The following CEP63 variants were observed in gnomAD, a reference collection of about 807,000 sequenced individuals.
The protein encoded by CEP63 is centrosomal protein 63, also known as centrosomal protein of 63 kDa.
Under a neutral mutation model 89.1 loss-of-function variants are expected in CEP63, and 84 were observed. That is an observed-to-expected ratio of 0.94 (90% CI 0.79 to 1.13). The LOEUF (loss-of-function observed/expected upper bound fraction) is 1.13, where lower values mean the gene tolerates loss of function less well. CEP63 is among the 50% of genes most tolerant of loss of function. CEP63 has a pLI of 0.00. For missense variants in CEP63, 838 were observed against 813.3 expected, an observed-to-expected ratio of 1.03 and a Z score of -0.37; for synonymous variants, 267 against 272.5, an observed-to-expected ratio of 0.98 and a Z score of 0.20.
At chr3:134,765,262 G>C in the CEP63 span, among the ~76,000 whole-genome samples, 2 of 152,226 alleles carry the variant, frequency 1.3e-5, no homozygotes, top group African/African-American at 2.4e-5. Context: ...AATTCATGTT[G>C]TTCATTCATT....
intron 10 of CEP63, among the ~76,000 whole-genome samples, chr3:134,587,192 T>G (rs1357147743): frequency 2.0e-5 from 3 of 151,566 alleles, no homozygotes; most frequent in Admixed American, 6.6e-5. Flanking sequence ...AGCCTACTTC[T>G]GTCAACTCGT....
the CEP63 span, chr3:134,607,965 G>T: frequency 9.9e-7 from 1 of 1,009,076 alleles, no homozygotes; most frequent in Non-Finnish European, 1.2e-6. Flanking sequence ...CTGCTGCCTA[G>T]AACATGTCCA....
the CEP63 span, chr3:134,620,709 C>T: frequency 6.9e-7 from 1 of 1,440,212 alleles, no homozygotes; most frequent in African/African-American, 1.4e-5. Flanking sequence ...GGAATGGAAG[C>T]AAGGGATTCT....
At chr3:134,607,701 G>A in the CEP63 span, 1 of 985,684 alleles carries the variant, frequency 1.0e-6, no homozygotes, top group Admixed American at 6.1e-5. Context: ...GTATGCCTCA[G>A]AGTGTGCAAA....
downstream of CEP63, chr3:134,575,107 A>T: frequency 2.8e-6 from 1 of 362,364 alleles, no homozygotes; most frequent in Non-Finnish European, 4.9e-6. Flanking sequence ...AGAAAGCTTA[A>T]GATAACTCCT....
the CEP63 span, among the ~76,000 whole-genome samples, chr3:134,701,841 C>T: frequency 2.0e-5 from 3 of 152,064 alleles, no homozygotes; most frequent in Admixed American, 1.3e-4. Flanking sequence ...TCATCTCAGC[C>T]CAAAAGCTTC....
At chr3:134,705,314 A>G in the CEP63 span, among the ~76,000 whole-genome samples, 1 of 152,102 alleles carries the variant, frequency 6.6e-6, no homozygotes, top group Non-Finnish European at 1.5e-5. Context: ...CAGACACATG[A>G]GAAGGAGCAA....
the CEP63 span, among the ~76,000 whole-genome samples, chr3:134,771,821 A>G: frequency 6.6e-6 from 1 of 152,224 alleles, no homozygotes; most frequent in Non-Finnish European, 1.5e-5. Flanking sequence ...GCACCCACAC[A>G]ATAAAACAAA....
chr3:134,776,782 T>A, the CEP63 span, among the ~76,000 whole-genome samples: 4 of 152,216 alleles, frequency 2.6e-5, no homozygotes, highest in African/African-American at 4.8e-5. Context: ...CAGTTTCTGA[T>A]GCTGGTGGCA....
chr3:134,584,118 G>T (rs1010923074), intron 10 of CEP63, among the ~76,000 whole-genome samples: 2 of 152,158 alleles, frequency 1.3e-5, no homozygotes, highest in Non-Finnish European at 2.9e-5. Context: ...CATGTCATCT[G>T]CAAACAGGGA....
the CEP63 span, chr3:134,607,615 G>A: frequency 1.0e-6 from 1 of 985,716 alleles, no homozygotes; most frequent in Non-Finnish European, 1.2e-6. Context: ...CAAGGCCTTG[G>A]AGAGGCATAA....
At chr3:134,496,083 G>T (rs545544877) in intron 2 of CEP63, among the ~76,000 whole-genome samples, 2 of 152,302 alleles carry the variant, frequency 1.3e-5, no homozygotes, top group South Asian at 4.1e-4. Context: ...CCTTTGGATA[G>T]ATTACCCAAT....
chr3:134,509,061 C>T (rs866878139), intron 3 of CEP63, among the ~76,000 whole-genome samples: 3 of 151,494 alleles, frequency 2.0e-5, no homozygotes, highest in South Asian at 4.2e-4. Context: ...AGGAACAACA[C>T]TATGAGATCA....
chr3:134,550,143 T>G lies in CEP63; in HGVS notation c.1263T>G (p.Thr421=). ...TGAAGATGGAAATCTCCCATCTAAC[T>G]CAGGAGTTACATCAGCGAGATATCA... The part of the protein sequence containing the change: ...EGMKMEISHL[T]QELHQRDITI... Residue 421 remains threonine, a synonymous_variant, in exon 11 of 15, where the codon ACT becomes ACG. Transcript: ENST00000675561. The G allele has an allele frequency of 6.2e-7, 1 of 1,613,830 alleles. No individual in the cohort carries two copies. The highest frequency in any genetic ancestry group is 8.5e-7 in the Non-Finnish European group (1 of 1,179,742).
the CEP63 span, among the ~76,000 whole-genome samples, chr3:134,609,108 C>T: frequency 6.6e-6 from 1 of 152,216 alleles, no homozygotes; most frequent in African/African-American, 2.4e-5. Context: ...CTGACTGCCT[C>T]ATGCTCAAAG....
intron 5 of CEP63, among the ~76,000 whole-genome samples, chr3:134,534,193 C>T (rs942773795): frequency 6.6e-6 from 1 of 152,194 alleles, no homozygotes; most frequent in Non-Finnish European, 1.5e-5. Flanking sequence ...TGACATTACT[C>T]TTATCATAAC....
chr3:134,591,207 C>T (rs1228627411), downstream of CEP63, among the ~76,000 whole-genome samples: 1 of 152,198 alleles, frequency 6.6e-6, no homozygotes, highest in Non-Finnish European at 1.5e-5. Flanking sequence ...GGTATGTCAC[C>T]ACTGTTTCCT....
chr3:134,617,481 A>C, the CEP63 span, among the ~76,000 whole-genome samples: 1 of 152,188 alleles, frequency 6.6e-6, no homozygotes, highest in Non-Finnish European at 1.5e-5. Context: ...TATACAATCG[A>C]TAGGATGTAT....
At chr3:134,554,357 GT>G (rs1955637666) in intron 12 of CEP63, among the ~76,000 whole-genome samples, 1 of 149,278 alleles carries the variant, frequency 6.7e-6, no homozygotes, top group African/African-American at 2.5e-5. Flanking sequence ...TCTTGTGATA[GT>G]TTACTGAGAA....
Sources: gnomAD v4.1 joint callset for allele counts (sites outside exome capture counted in the v4.1 genomes callset) on GRCh38, gnomAD v4.1.1 for gene constraint, MANE v1.5 for transcripts, NCBI Gene and HGNC (gene_info 2026-07-23, HGNC 2026-07-21) for gene names.